KCNH7: variants seen among roughly 807,000 people sequenced by gnomAD.
KCNH7 encodes the protein potassium voltage-gated channel subfamily H member 7.
KCNH7 carries 49 observed loss-of-function variants against 120.8 expected under a neutral mutation model. That is an observed-to-expected ratio of 0.41 (90% CI 0.32 to 0.51). KCNH7 has a LOEUF of 0.51. Among genes scored for constraint, KCNH7 ranks in the 20% least tolerant of loss-of-function variants. The pLI is 0.38. For synonymous variants in KCNH7, 547 were observed against 516.1 expected, an observed-to-expected ratio of 1.06 and a Z score of -0.81; for missense variants, 1,097 against 1,446.6, an observed-to-expected ratio of 0.76 and a Z score of 3.92.
intron 2 of KCNH7, among the ~76,000 whole-genome samples, chr2:162,829,015 A>T (rs560562586): frequency 6.6e-6 from 1 of 152,240 alleles, no homozygotes; most frequent in Non-Finnish European, 1.5e-5. Flanking sequence ...TCATGGAAAG[A>T]GCCCATTGCT....
At chr2:162,741,231 ATAT>A (rs1688118819) in intron 2 of KCNH7, among the ~76,000 whole-genome samples, 1 of 149,620 alleles carries the variant, frequency 6.7e-6, no homozygotes, top group South Asian at 2.1e-4. Flanking sequence ...TTAGTTATAC[ATAT>A]TAATAACATA....
chr2:162,416,319 G>A (rs770172507), intron 9 of KCNH7, among the ~76,000 whole-genome samples: 1 of 150,986 alleles, frequency 6.6e-6, no homozygotes, highest in Non-Finnish European at 1.5e-5. Context: ...GTTGCAGTGA[G>A]CTGAGATCTT....
intron 2 of KCNH7, among the ~76,000 whole-genome samples, chr2:162,625,477 G>C (rs1683519404): frequency 6.6e-6 from 1 of 152,158 alleles, no homozygotes; most frequent in South Asian, 2.1e-4. Flanking sequence ...GGGGTGAACA[G>C]ACTAGCAGGG....
intron 2 of KCNH7, among the ~76,000 whole-genome samples, chr2:162,571,844 T>C (rs1168089094): frequency 1.3e-5 from 2 of 151,618 alleles, no homozygotes; most frequent in East Asian, 1.9e-4. Flanking sequence ...GCTAGCCATA[T>C]GTAGAAAGCT....
intron 2 of KCNH7, among the ~76,000 whole-genome samples, chr2:162,647,078 G>A (rs527755043): frequency 2.0e-5 from 3 of 152,280 alleles, no homozygotes; most frequent in South Asian, 2.1e-4. Context: ...GCTTCAATGT[G>A]GACTTCCCAG....
chr2:162,467,083 G>C (rs73020604), intron 6 of KCNH7, among the ~76,000 whole-genome samples: 15,498 of 152,126 alleles, frequency 0.1, 1,213 homozygotes, highest in African/African-American at 0.22. Flanking sequence ...GAATTCACAA[G>C]ATATTAAAAG....
intron 2 of KCNH7, among the ~76,000 whole-genome samples, chr2:162,830,140 A>G (rs1685423920): frequency 1.3e-5 from 2 of 152,274 alleles, no homozygotes; most frequent in Non-Finnish European, 2.9e-5. Context: ...TTCACAGAGA[A>G]GTCTTTTGAT....
intron 12 of KCNH7, among the ~76,000 whole-genome samples, chr2:162,388,062 T>C (rs996135227): frequency 3.3e-5 from 5 of 151,872 alleles, no homozygotes; most frequent in African/African-American, 1.2e-4. Flanking sequence ...ATTATTACAT[T>C]GGAAAATTGG....
At chr2:162,570,472 G>A (rs575152728) in intron 2 of KCNH7, among the ~76,000 whole-genome samples, 12 of 151,980 alleles carry the variant, frequency 7.9e-5, no homozygotes, top group Non-Finnish European at 1.6e-4. Flanking sequence ...GATGGGTCTT[G>A]ACTCTTTATC....
chr2:162,628,463 C>T (rs1389645340), intron 2 of KCNH7, among the ~76,000 whole-genome samples: 1 of 152,054 alleles, frequency 6.6e-6, no homozygotes. Flanking sequence ...AACTTTTACT[C>T]AGGGGTACAT....
intron 5 of KCNH7, among the ~76,000 whole-genome samples, chr2:162,507,178 C>A (rs987905168): frequency 6.6e-6 from 1 of 151,650 alleles, no homozygotes; most frequent in African/African-American, 2.4e-5. Flanking sequence ...CTCCTCATGG[C>A]ATTTGAGTAG....
At chr2:162,648,156 A>G (rs1684433002) in intron 2 of KCNH7, among the ~76,000 whole-genome samples, 1 of 152,210 alleles carries the variant, frequency 6.6e-6, no homozygotes. Context: ...TTTATGAAGA[A>G]AAGAGGTTTA....
intron 6 of KCNH7, among the ~76,000 whole-genome samples, chr2:162,458,257 T>A (rs1689037792): frequency 6.6e-6 from 1 of 152,156 alleles, no homozygotes. Flanking sequence ...CTTCATAAAA[T>A]ATGTATGAGT....
chr2:162,463,794 AC>A (rs1689226089), intron 6 of KCNH7, among the ~76,000 whole-genome samples: 3 of 151,296 alleles, frequency 2.0e-5, no homozygotes, highest in East Asian at 1.9e-4. Context: ...ATAAAAAAAA[AC>A]AACTATAACA....
At chr2:162,733,206 G>T (rs1687786496) in intron 2 of KCNH7, among the ~76,000 whole-genome samples, 1 of 152,128 alleles carries the variant, frequency 6.6e-6, no homozygotes, top group South Asian at 2.1e-4. Context: ...CTGTGTGAAA[G>T]CAAATAAACT....
intron 6 of KCNH7, among the ~76,000 whole-genome samples, chr2:162,494,395 T>G (rs1225714761): frequency 6.6e-6 from 1 of 152,148 alleles, no homozygotes; most frequent in Non-Finnish European, 1.5e-5. Flanking sequence ...CCCTAACTTT[T>G]AGATGCTAGA....
At position 162,659,298 on chromosome 2, in the gene KCNH7, A is replaced by G. The variant is rs60406898; in HGVS notation, c.308-122218T>C. Among the ~76,000 whole-genome samples, 845 of 150,948 alleles carry G rather than the reference A, an allele frequency of 5.6e-3. 9 individuals carry two copies. The highest frequency in any genetic ancestry group is 0.02 in the African/African-American group (805 of 41,202). ...TTTTCAAATGTTAAAGTAGCCTTGC[A>G]TATTGCATACTGGAATATAGTCTAC... On this transcript the variant is annotated intron_variant, in intron 2 of 15. Coordinates refer to ENST00000332142, the MANE Select transcript of KCNH7 (RefSeq NM_033272.4).
chr2:162,473,278 G>GA (rs996422783), intron 6 of KCNH7, among the ~76,000 whole-genome samples: 1 of 151,296 alleles, frequency 6.6e-6, no homozygotes, highest in Non-Finnish European at 1.5e-5. Context: ...CAAAAAAAGA[G>GA]AAAAAAAATA....
intron 6 of KCNH7, among the ~76,000 whole-genome samples, chr2:162,500,360 A>AAT (rs370892428): frequency 1.2e-4 from 10 of 82,688 alleles, no homozygotes; most frequent in African/African-American, 3.5e-4. Flanking sequence ...TATAGTATAT[A>AAT]GTATATAATG....
Sources: allele counts gnomAD v4.1 joint callset (sites outside exome capture counted in the v4.1 genomes callset), GRCh38; gene constraint gnomAD v4.1.1; transcripts MANE v1.5; gene names NCBI Gene and HGNC (gene_info 2026-07-23, HGNC 2026-07-21).